SAMSN1: variants seen among roughly 807,000 people sequenced by gnomAD.
The protein encoded by SAMSN1 is SAM domain, SH3 domain and nuclear localization signals 1, also known as SAM domain-containing protein SAMSN-1.
SAMSN1 carries 31 observed loss-of-function variants against 42.0 expected under a neutral mutation model. That is an observed-to-expected ratio of 0.74 (90% CI 0.55 to 1.00). The LOEUF (loss-of-function observed/expected upper bound fraction) is 1.00. SAMSN1 is among the 50% of genes least tolerant of loss of function. SAMSN1 has a pLI of 0.00. For synonymous variants in SAMSN1, 178 were observed against 151.9 expected (o/e 1.17, Z -1.26); for missense variants, 464 against 439.4 (o/e 1.06, Z -0.50).
upstream of SAMSN1, among the ~76,000 whole-genome samples, chr21:14,551,235 A>G (rs775525457): frequency 6.6e-6 from 1 of 152,118 alleles, no homozygotes; most frequent in Non-Finnish European, 1.5e-5. Context: ...TTAAATTTCC[A>G]AAGAGATAAT....
At chr21:14,577,056 T>C (rs916988145) in intron 2 of SAMSN1, among the ~76,000 whole-genome samples, 12 of 123,004 alleles carry the variant, frequency 9.8e-5, no homozygotes, top group Non-Finnish European at 1.5e-4. Flanking sequence ...TTCTTTTTTT[T>C]TTTTTTTTTT....
intron 1 of SAMSN1, among the ~76,000 whole-genome samples, chr21:14,650,721 A>T (rs1983819172): frequency 6.6e-6 from 1 of 152,106 alleles, no homozygotes; most frequent in Admixed American, 6.6e-5. Flanking sequence ...TTAAAAAAAT[A>T]CAAAAGATTA....
intron 2 of SAMSN1, among the ~76,000 whole-genome samples, chr21:14,577,531 T>A (rs969985484): frequency 1.3e-5 from 2 of 151,936 alleles, no homozygotes; most frequent in Admixed American, 6.6e-5. Context: ...TTTGTCTCCT[T>A]CACAGCCCAC....
chr21:14,542,569 A>G lies in SAMSN1; in HGVS notation c.57+3636T>C, dbSNP rs376320419. Among the ~76,000 whole-genome samples, 11 of 152,234 alleles carry G rather than the reference A, an allele frequency of 7.2e-5. No homozygotes were observed. The East Asian group carries it at 1.3e-3, about 19-fold the overall frequency. On this transcript the variant is annotated intron_variant, in intron 1 of 7. Coordinates refer to ENST00000400566, the MANE Select transcript of SAMSN1 (RefSeq NM_022136.5). ...CATTTATAGAGTGTAATGCAATAACATCTCATCAAATCTGAATATTGTATA... is the reference window on the plus strand; with the variant it reads ...CATTTATAGAGTGTAATGCAATAACGTCTCATCAAATCTGAATATTGTATA...
chr21:14,606,221 T>G (rs1982568049), intron 5 of SAMSN1, among the ~76,000 whole-genome samples: 2 of 152,194 alleles, frequency 1.3e-5, no homozygotes, highest in African/African-American at 4.8e-5. Context: ...GTTTTCTGAC[T>G]TTGTCTGGTC....
intron 1 of SAMSN1, among the ~76,000 whole-genome samples, chr21:14,657,084 A>G (rs1407267380): frequency 6.6e-6 from 1 of 151,850 alleles, no homozygotes; most frequent in Non-Finnish European, 1.5e-5. Context: ...CAAAGGTTAT[A>G]ACAGCACAGT....
At chr21:14,525,819 A>G (rs1389331527) in intron 1 of SAMSN1, among the ~76,000 whole-genome samples, 2 of 152,180 alleles carry the variant, frequency 1.3e-5, no homozygotes, top group Non-Finnish European at 2.9e-5. Context: ...ATTTCTATAT[A>G]ATAGCTAAAA....
intron 2 of SAMSN1, among the ~76,000 whole-genome samples, chr21:14,641,925 T>A (rs1391919233): frequency 6.6e-6 from 1 of 152,210 alleles, no homozygotes. Context: ...GACTTACTGA[T>A]AACATAAATA....
chr21:14,599,841 G>A lies in SAMSN1; in HGVS notation c.399+2182C>T, dbSNP rs148458218. 3.6e-4 allele frequency among the ~76,000 whole-genome samples: 55 copies of A among 151,972 alleles called. No homozygotes were observed. In the East Asian group the frequency reaches 6.8e-3, roughly 19 times the overall value. ...AAACCTTTTTCTTTATAAACTACCCGGTCTCAAGTATTTCTTTATTTTGTT... is the reference window on the plus strand; with the variant it reads ...AAACCTTTTTCTTTATAAACTACCCAGTCTCAAGTATTTCTTTATTTTGTT... On this transcript the variant is annotated intron_variant, in intron 6 of 15. Transcript: ENST00000647101.
At chr21:14,570,808 C>T (rs1981275277) in intron 2 of SAMSN1, among the ~76,000 whole-genome samples, 1 of 152,150 alleles carries the variant, frequency 6.6e-6, no homozygotes. Context: ...AGCCTCATAT[C>T]CTCAACAAAT....
chr21:14,610,249 G>A (rs559732465), intron 4 of SAMSN1, among the ~76,000 whole-genome samples: 6 of 152,268 alleles, frequency 3.9e-5, no homozygotes, highest in South Asian at 2.1e-4. Context: ...GGAAAAGAAC[G>A]CATTCCCAGG....
chr21:14,602,109 G>T, intron 5 of SAMSN1: 1 of 646,412 alleles, frequency 1.5e-6, no homozygotes, highest in South Asian at 1.8e-5. Context: ...TCTAAGAAAA[G>T]AGATAACTGT....
At chr21:14,548,223 C>G (rs1568803889), upstream of SAMSN1, among the ~76,000 whole-genome samples, 1 of 152,086 alleles carries the variant, frequency 6.6e-6, no homozygotes, top group Non-Finnish European at 1.5e-5. Flanking sequence ...AATGCTTGCA[C>G]TTAGTACATG....
chr21:14,523,623 C>T (rs1403588783), intron 1 of SAMSN1, among the ~76,000 whole-genome samples: 1 of 152,154 alleles, frequency 6.6e-6, no homozygotes, highest in Non-Finnish European at 1.5e-5. Flanking sequence ...AAATCTATTA[C>T]TCTTTTATAT....
At chr21:14,554,702 T>TC (rs1568806328) in intron 2 of SAMSN1, among the ~76,000 whole-genome samples, 2 of 149,250 alleles carry the variant, frequency 1.3e-5, no homozygotes, top group East Asian at 1.9e-4. Flanking sequence ...CTTTTTCTTT[T>TC]TTTTTTTTTT....
chr21:14,524,903 A>ATAC (rs1461589057), intron 1 of SAMSN1, among the ~76,000 whole-genome samples: 2 of 152,326 alleles, frequency 1.3e-5, no homozygotes, highest in Non-Finnish European at 2.9e-5. Context: ...GTTCATAAGG[A>ATAC]TACTAAAAAG....
intron 3 of SAMSN1, among the ~76,000 whole-genome samples, chr21:14,615,465 A>G (rs1466864383): frequency 6.6e-6 from 1 of 152,176 alleles, no homozygotes; most frequent in East Asian, 1.9e-4. Flanking sequence ...AACCAATCTG[A>G]AAATTTCCCC....
At chr21:14,657,453 A>G (rs1251992455) in intron 1 of SAMSN1, among the ~76,000 whole-genome samples, 1 of 151,850 alleles carries the variant, frequency 6.6e-6, no homozygotes, top group East Asian at 1.9e-4. Context: ...CAAGCTCATT[A>G]TATGGTTATA....
intron 7 of SAMSN1, chr21:14,591,616 C>G (rs1280594961): frequency 6.6e-6 from 1 of 151,992 alleles, no homozygotes; most frequent in African/African-American, 2.4e-5. Context: ...AAATAAAATT[C>G]AATGATTATT....
Sources: gnomAD v4.1 joint callset for allele counts (sites outside exome capture counted in the v4.1 genomes callset) on GRCh38, gnomAD v4.1.1 for gene constraint, MANE v1.5 for transcripts, NCBI Gene and HGNC (gene_info 2026-07-23, HGNC 2026-07-21) for gene names.